RP1: variants seen among roughly 807,000 people sequenced by gnomAD.
RP1 encodes oxygen-regulated protein 1.
RP1 carries 16 observed loss-of-function variants against 14.8 expected under a neutral mutation model. The ratio of observed to expected loss-of-function variants is 1.08; its 90% CI spans 0.73 to 1.65. The LOEUF is 1.65. Ranked by LOEUF, RP1 falls within the 40% of genes most tolerant of loss-of-function variation. The pLI, the probability that RP1 is intolerant of heterozygous loss-of-function variation, is 0.00. For missense variants in RP1, 2,631 were observed against 2,535.0 expected (o/e 1.04, Z -0.81); for synonymous variants, 876 against 883.6 (o/e 0.99, Z 0.15).
At chr8:54,861,091 CT>C (rs1208910737) in intron 27 of RP1, among the ~76,000 whole-genome samples, 8 of 152,302 alleles carry the variant, frequency 5.3e-5, no homozygotes, top group Non-Finnish European at 1.0e-4. Context: ...TCTGAATACT[CT>C]TTACACTAAA....
At chr8:54,696,300 A>C in intron 12 of RP1, 1 of 426,840 alleles carries the variant, frequency 2.3e-6, no homozygotes, top group East Asian at 4.3e-5. Flanking sequence ...GACTAAACTC[A>C]AAATTTTTAG....
At chr8:54,574,273 C>T (rs1173721194) in intron 1 of RP1, among the ~76,000 whole-genome samples, 1 of 152,142 alleles carries the variant, frequency 6.6e-6, no homozygotes, top group East Asian at 1.9e-4. Context: ...CATGAAACAA[C>T]TGTGAAAGAA....
At chr8:54,777,442 G>T (rs950240755) in intron 23 of RP1, among the ~76,000 whole-genome samples, 2 of 152,176 alleles carry the variant, frequency 1.3e-5, no homozygotes, top group Non-Finnish European at 2.9e-5. Flanking sequence ...AATGTTTGAT[G>T]GTTGTTTTCT....
chr8:54,734,625 G>T lies in RP1; in HGVS notation c.2602G>T (p.Gly868Ter). Residue 868 changes from glycine to a stop codon, truncating the protein, a stop_gained, in exon 18 of 23, where the codon GGA (glycine) becomes TGA (stop). Coordinates refer to the RP1 transcript ENST00000636932. LOFTEE classifies it high-confidence loss of function. ...GGTGTTAGTGCTGACAGGAAATACA[G>T]GAACTCAAGCCAATGTCACTCTCTG... 1 of 1,535,754 alleles carries T rather than the reference G, an allele frequency of 6.5e-7. No individual in the cohort carries two copies. Among genetic ancestry groups the T allele is most frequent in the Non-Finnish European group, 8.7e-7 (1 of 1,146,668 alleles).
At chr8:54,637,693 AT>A (rs201909477) in intron 3 of RP1, among the ~76,000 whole-genome samples, 14 of 151,914 alleles carry the variant, frequency 9.2e-5, no homozygotes, top group African/African-American at 2.4e-4. Flanking sequence ...TGCCAATATA[AT>A]TTTTTTTATT....
intron 19 of RP1, among the ~76,000 whole-genome samples, chr8:54,752,904 T>C (rs1460384658): frequency 6.6e-6 from 1 of 152,252 alleles, no homozygotes; most frequent in East Asian, 1.9e-4. Context: ...CAGTAGAATA[T>C]ATTATACTAA....
chr8:54,841,761 A>G (rs183447690), intron 25 of RP1, among the ~76,000 whole-genome samples: 130 of 152,310 alleles, frequency 8.5e-4, no homozygotes, highest in African/African-American at 3.1e-3. Context: ...AGTGATGCTT[A>G]GGGCTGATAA....
chr8:54,683,313 C>T (rs1381569581), intron 12 of RP1, among the ~76,000 whole-genome samples: 1 of 151,944 alleles, frequency 6.6e-6, no homozygotes, highest in African/African-American at 2.4e-5. Flanking sequence ...TGAATTTTAA[C>T]ACAGCTTTTT....
At chr8:54,584,963 G>T in intron 1 of RP1, among the ~76,000 whole-genome samples, 1 of 152,136 alleles carries the variant, frequency 6.6e-6, no homozygotes, top group East Asian at 1.9e-4. Flanking sequence ...CAATTTGCCA[G>T]TCTGTGTCTT....
intron 12 of RP1, chr8:54,696,452 A>G: frequency 1.2e-6 from 1 of 841,382 alleles, no homozygotes; most frequent in South Asian, 1.4e-5. Flanking sequence ...TCTCCTGAAA[A>G]AGAGGAAAGC....
intron 25 of RP1, among the ~76,000 whole-genome samples, chr8:54,848,827 C>A (rs1446611955): frequency 6.6e-6 from 1 of 152,198 alleles, no homozygotes; most frequent in Non-Finnish European, 1.5e-5. Flanking sequence ...CGGCTCACTG[C>A]AACCTCCACC....
At chr8:54,711,574 C>T (rs1481674891) in intron 15 of RP1, among the ~76,000 whole-genome samples, 2 of 152,156 alleles carry the variant, frequency 1.3e-5, no homozygotes, top group East Asian at 1.9e-4. Flanking sequence ...GCTGAGCGAG[C>T]GCTCTTAGGT....
At chr8:54,745,979 T>G (rs538943115) in intron 19 of RP1, among the ~76,000 whole-genome samples, 1 of 152,308 alleles carries the variant, frequency 6.6e-6, no homozygotes, top group South Asian at 2.1e-4. Flanking sequence ...AAAATACTAT[T>G]TCCAAAAAAG....
intron 22 of RP1, among the ~76,000 whole-genome samples, chr8:54,763,301 C>G (rs989846536): frequency 1.3e-5 from 2 of 152,146 alleles, no homozygotes; most frequent in African/African-American, 4.8e-5. Flanking sequence ...CTAGGAGGGC[C>G]TGGAGACAAG....
intron 24 of RP1, among the ~76,000 whole-genome samples, chr8:54,804,943 G>A (rs1235040029): frequency 6.6e-6 from 1 of 152,042 alleles, no homozygotes; most frequent in East Asian, 1.9e-4. Context: ...TTCAAATTTG[G>A]GTGGCAATAT....
At chr8:54,779,169 C>G (rs1041202351) in intron 23 of RP1, among the ~76,000 whole-genome samples, 1 of 152,144 alleles carries the variant, frequency 6.6e-6, no homozygotes, top group Non-Finnish European at 1.5e-5. Flanking sequence ...TAATCCACCC[C>G]TAATTATTAT....
intron 24 of RP1, among the ~76,000 whole-genome samples, chr8:54,797,570 A>G (rs1165184308): frequency 6.6e-6 from 1 of 151,416 alleles, no homozygotes; most frequent in East Asian, 1.9e-4. Context: ...TCAAACACCT[A>G]CCAGCTACCT....
chr8:54,731,972 A>G (rs1436890724), intron 17 of RP1, among the ~76,000 whole-genome samples: 5 of 152,078 alleles, frequency 3.3e-5, no homozygotes, highest in Admixed American at 3.3e-4. Context: ...CCACCACCAT[A>G]CTTTAAAATT....
chr8:54,647,102 T>C (rs1806567190), intron 3 of RP1, among the ~76,000 whole-genome samples: 1 of 152,188 alleles, frequency 6.6e-6, no homozygotes, highest in African/African-American at 2.4e-5. Context: ...TATAGTTTTA[T>C]ATTTTTAAGT....
Sources: allele counts gnomAD v4.1 joint callset (sites outside exome capture counted in the v4.1 genomes callset), GRCh38; gene constraint gnomAD v4.1.1; transcripts MANE v1.5; gene names NCBI Gene and HGNC (gene_info 2026-07-23, HGNC 2026-07-21).